OSBPL3: variants seen among roughly 807,000 people sequenced by gnomAD.
OSBPL3 encodes oxysterol-binding protein-related protein 3.
A neutral mutation model predicts 120.1 loss-of-function variants in OSBPL3; 65 were observed. The observed-to-expected ratio is 0.54, with a 90% CI of 0.44 to 0.67. OSBPL3 has a LOEUF of 0.67. OSBPL3 is among the 30% of genes least tolerant of loss of function. OSBPL3 has a pLI of 0.00. For synonymous variants in OSBPL3, 416 were observed against 402.6 expected, an observed-to-expected ratio of 1.03 and a Z score of -0.40; for missense variants, 1,004 against 1,082.1, an observed-to-expected ratio of 0.93 and a Z score of 1.01.
At position 24,806,875 on chromosome 7, in the gene OSBPL3, T is replaced by C; in HGVS notation, c.2345A>G (p.Tyr782Cys). Residue 782 changes from tyrosine (Y) to cysteine (C), a missense_variant, in exon 21 of 23, where the codon TAC (tyrosine) becomes TGC (cysteine). Coordinates refer to ENST00000313367, the MANE Select transcript of OSBPL3 (RefSeq NM_015550.4). The surrounding 1 kb of genome is among the most constrained non-coding windows in gnomAD (Gnocchi z 5.2). ...ANPMPKGYEQ[Y>C]YSFTQFALEL... ...CAGCGCAAACTGTGTGAAGCTATAG[T>C]ATTGCTCGTAGCCTTTCGGCATAGG... 1 of 1,613,432 alleles carries C rather than the reference T, an allele frequency of 6.2e-7. No individual in the cohort carries two copies. The highest frequency in any genetic ancestry group is 8.5e-7 in the Non-Finnish European group (1 of 1,179,586).
rs1258238382 is a variant in OSBPL3, at chr7:24,883,673, A to G, written c.96+8704T>C. On this transcript the variant is annotated intron_variant, in intron 2 of 22. Coordinates refer to ENST00000313367, the MANE Select transcript of OSBPL3 (RefSeq NM_015550.4). This position sits in a 1 kb window ranked among gnomAD's most constrained non-coding sequence, Gnocchi z 5.4. Reference sequence around the variant, plus strand: ...TATTATTCCAGGATTGCAGAACAATACAGACAGTTCAGCAACTTTCTGGAA... The same window carrying G: ...TATTATTCCAGGATTGCAGAACAATGCAGACAGTTCAGCAACTTTCTGGAA... 1.3e-5 allele frequency among the ~76,000 whole-genome samples: 2 copies of G among 152,214 alleles called. No homozygotes were observed. The highest frequency in any genetic ancestry group is 4.8e-5 in the African/African-American group (2 of 41,446).
At chr7:24,860,454 C>T (rs1191482323) in intron 10 of OSBPL3, among the ~76,000 whole-genome samples, 1 of 152,158 alleles carries the variant, frequency 6.6e-6, no homozygotes, top group Non-Finnish European at 1.5e-5. Context: ...GTAAATAAGT[C>T]TCATGAGATC....
At chr7:24,825,683 A>G (rs1224273010) in intron 16 of OSBPL3, among the ~76,000 whole-genome samples, 4 of 152,238 alleles carry the variant, frequency 2.6e-5, no homozygotes, top group Admixed American at 1.3e-4. Context: ...GCTAACTAGT[A>G]GATACAAGGA....
intron 9 of OSBPL3, 43 bp from the exon 10 acceptor site, chr7:24,861,812 T>C: frequency 2.2e-6 from 3 of 1,355,536 alleles, no homozygotes; most frequent in Non-Finnish European, 3.0e-6. Flanking sequence ...CAGATGCAGA[T>C]TGCTTAGAAT....
intron 1 of OSBPL3, among the ~76,000 whole-genome samples, chr7:24,957,707 G>A (rs1225540015): frequency 6.6e-6 from 1 of 151,946 alleles, no homozygotes; most frequent in Non-Finnish European, 1.5e-5. Flanking sequence ...TCCTCACTTG[G>A]TTACTGTGAG....
intron 1 of OSBPL3, among the ~76,000 whole-genome samples, chr7:24,960,170 T>C (rs901642905): frequency 7.2e-5 from 11 of 151,804 alleles, no homozygotes; most frequent in African/African-American, 2.7e-4. Flanking sequence ...ACAAAGAGAG[T>C]GTGAGAGTAC....
chr7:24,814,974 A>T (rs1584220534), intron 19 of OSBPL3, 85 bp downstream of exon 19: 1 of 1,371,858 alleles, frequency 7.3e-7, no homozygotes, highest in African/African-American at 1.4e-5. Flanking sequence ...TGAAGGCGAA[A>T]AATCTCTCAA....
chr7:24,814,739 T>C (rs1460132491), intron 19 of OSBPL3, among the ~76,000 whole-genome samples: 1 of 152,208 alleles, frequency 6.6e-6, no homozygotes, highest in Non-Finnish European at 1.5e-5. Context: ...AATCATGTAA[T>C]ATTCGTCCTT....
intron 1 of OSBPL3, among the ~76,000 whole-genome samples, chr7:24,949,799 A>T (rs1814170616): frequency 6.6e-6 from 1 of 151,366 alleles, no homozygotes; most frequent in Admixed American, 6.6e-5. Context: ...ACTATAACAC[A>T]CTCTGTTATT....
At chr7:24,885,122 T>C (rs1274726992) in intron 2 of OSBPL3, among the ~76,000 whole-genome samples, 1 of 151,326 alleles carries the variant, frequency 6.6e-6, no homozygotes, top group African/African-American at 2.4e-5. Context: ...CTCAGGAGGC[T>C]GAGGCAGGAG....
chr7:24,835,580 T>C lies in OSBPL3; in HGVS notation c.1496-844A>G, dbSNP rs912625600. ...ATTACTGACTATATACCCAAAGGAA[T>C]ATATATTGTTCTACCATAAAGACGC... On this transcript the variant is annotated intron_variant, in intron 14 of 22. Transcript: ENST00000313367. This position sits in a 1 kb window ranked among gnomAD's most constrained non-coding sequence, Gnocchi z 4.8. Among the ~76,000 whole-genome samples the C allele has an allele frequency of 6.6e-6, 1 of 152,088 alleles. No homozygotes were observed. Among genetic ancestry groups the C allele is most frequent in the African/African-American group, 2.4e-5 (1 of 41,414 alleles).
At position 24,799,454 on chromosome 7, in the gene OSBPL3, TTTAA is replaced by T. The variant is rs1357867696; in HGVS notation, c.*725_*728del. 6.6e-6 allele frequency: 1 copy of T among 152,212 alleles called. No individual in the cohort carries two copies. The highest frequency in any genetic ancestry group is 2.4e-5 in the African/African-American group (1 of 41,452). 9.4% of individuals were successfully genotyped at this position (152,212 alleles called of 1,614,324 possible). On this transcript the variant is annotated 3_prime_UTR_variant, in exon 23 of 23. Coordinates refer to ENST00000313367, the MANE Select transcript of OSBPL3 (RefSeq NM_015550.4). This position sits in a 1 kb window ranked among gnomAD's most constrained non-coding sequence, Gnocchi z 5.3. ...GTCTCTCTGGGATGCTATTGTGATA[TTTAA>T]TTAATTGGAATTCTTTTCTCTTATG...
chr7:24,893,555 T>C (rs1431858008), intron 1 of OSBPL3, among the ~76,000 whole-genome samples: 1 of 152,214 alleles, frequency 6.6e-6, no homozygotes, highest in Non-Finnish European at 1.5e-5. Context: ...CTCATGCCTG[T>C]AATCCTAACG....
At position 24,840,742 on chromosome 7, in the gene OSBPL3, AT is replaced by A; in HGVS notation, c.1442del (p.Asn481IlefsTer4). 1 of 1,470,096 alleles carries A rather than the reference AT, an allele frequency of 6.8e-7. No homozygotes were observed. Among genetic ancestry groups the A allele is most frequent in the Non-Finnish European group, 9.4e-7 (1 of 1,068,870 alleles). The allele number at this position is 1,470,096 out of a possible 1,614,324, so 91.1% of individuals were successfully genotyped here. A position where few individuals can be genotyped will look rare whatever the true frequency, so the allele number is the denominator to read the frequency against. ...DDSYVSDISD[N>X]LSLDNLSNDL... is the part of the protein sequence containing the mutation. ...CATTACTGAGATTATCTAAGGAAAG[AT>A]TATCACTTATGTCACTGACATATGA... On this transcript the variant is annotated frameshift_variant, in exon 14 of 23. Coordinates refer to ENST00000313367, the MANE Select transcript of OSBPL3 (RefSeq NM_015550.4). LOFTEE classifies it high-confidence loss of function.
Position 24,911,917 on chromosome 7 carries a change from G to C in OSBPL3, c.-149-19296C>G, listed in dbSNP as rs144973846. Among the ~76,000 whole-genome samples, 764 of 152,308 alleles carry C rather than the reference G, an allele frequency of 5.0e-3. 21 individuals carry two copies. Among genetic ancestry groups the C allele is most frequent in the Admixed American group, 0.043 (658 of 15,300 alleles). On this transcript the variant is annotated intron_variant, in intron 1 of 22. Transcript: ENST00000313367. ...AGGTGGGGTGGTTACTGGTAGACTA[G>C]AGCTAAAAGGCAAGAAAAACCTAAA...
intron 20 of OSBPL3, among the ~76,000 whole-genome samples, chr7:24,807,961 G>A (rs568898565): frequency 6.6e-6 from 1 of 152,062 alleles, no homozygotes; most frequent in East Asian, 1.9e-4. Flanking sequence ...ACAGTGACAC[G>A]ATCTCAGCTC....
rs1331764492 is a variant in OSBPL3, at chr7:24,867,863, C to G, written c.382-1626G>C. On this transcript the variant is annotated intron_variant, in intron 5 of 22. Transcript: ENST00000313367. This position sits in a 1 kb window ranked among gnomAD's most constrained non-coding sequence, Gnocchi z 4.5. ...TTTTATTACTATCACACTCACAAACCTTTAGCCATCTCTCCATAAATGAAC... is the reference window on the plus strand; with the variant it reads ...TTTTATTACTATCACACTCACAAACGTTTAGCCATCTCTCCATAAATGAAC... 1.3e-5 allele frequency among the ~76,000 whole-genome samples: 2 copies of G among 152,144 alleles called. No homozygotes were observed. The highest frequency in any genetic ancestry group is 2.9e-5 in the Non-Finnish European group (2 of 68,028).
intron 19 of OSBPL3, among the ~76,000 whole-genome samples, chr7:24,811,495 G>A (rs1000620061): frequency 1.3e-5 from 2 of 152,020 alleles, no homozygotes; most frequent in African/African-American, 4.8e-5. Flanking sequence ...TTCCTTTGCT[G>A]TTTAGTTTGA....
At position 24,865,430 on chromosome 7, in the gene OSBPL3, A is replaced by C; in HGVS notation, c.585T>G (p.Thr195=). The C allele has an allele frequency of 6.2e-7, 1 of 1,613,700 alleles. No individual in the cohort carries two copies. The highest frequency in any genetic ancestry group is 1.1e-5 in the South Asian group (1 of 91,072). The change falls in exon 7 of 23, where the codon ACT becomes ACG. Residue 195 remains threonine (T), a synonymous_variant. Coordinates refer to ENST00000313367, the MANE Select transcript of OSBPL3 (RefSeq NM_015550.4). ...SSISKQNLFQ[T]GSNVSFSCGG... ...CACAAGAAAATGATACATTGCTTCC[A>C]GTTTGAAATAAATTCTGCTTTGATA...
Sources: gnomAD v4.1 joint callset for allele counts (sites outside exome capture counted in the v4.1 genomes callset) on GRCh38, gnomAD v4.1.1 for gene constraint, Gnocchi (gnomAD v3.1) non-coding constraint, MANE v1.5 for transcripts, NCBI Gene and HGNC (gene_info 2026-07-23, HGNC 2026-07-21) for gene names.